TFDP1: variants seen among roughly 807,000 people sequenced by gnomAD.
TFDP1 encodes the protein DRTF1-polypeptide 1.
Under a neutral mutation model 48.0 loss-of-function variants are expected in TFDP1, and 6 were observed. The observed-to-expected ratio is 0.13, with a 90% CI of 0.07 to 0.25. The LOEUF (loss-of-function observed/expected upper bound fraction) is 0.25. TFDP1 is among the 10% of genes least tolerant of loss of function. The pLI, the probability that TFDP1 is intolerant of heterozygous loss-of-function variation, is 1.00. For synonymous variants in TFDP1, 201 were observed against 211.6 expected (o/e 0.95, Z 0.44); for missense variants, 335 against 543.0 (o/e 0.62, Z 3.81).
At chr13:113,591,631 T>C (rs1001287041) in intron 2 of TFDP1, among the ~76,000 whole-genome samples, 2 of 152,232 alleles carry the variant, frequency 1.3e-5, no homozygotes, top group African/African-American at 4.8e-5. Context: ...TAAAAAATAC[T>C]TTGTTGTAGA....
intron 2 of TFDP1, among the ~76,000 whole-genome samples, chr13:113,605,102 G>A (rs1045187515): frequency 2.6e-5 from 4 of 152,004 alleles, no homozygotes; most frequent in South Asian, 2.1e-4. Context: ...TTTTAGGGAC[G>A]ATGCTGCACT....
At chr13:113,625,631 G>A (rs1231020556) in intron 4 of TFDP1, among the ~76,000 whole-genome samples, 2 of 94,116 alleles carry the variant, frequency 2.1e-5, no homozygotes, top group Non-Finnish European at 4.1e-5. Context: ...GTGTCCTCAG[G>A]CGTCTCTCAC....
chr13:113,623,106 C>A lies in TFDP1; in HGVS notation c.80-74C>A. ...ATCTCTAATTGCAAGCACCGTCTTG[C>A]ATTTAGAATGGTCGCTTGTAGCCTT... is the stretch of plus-strand genomic sequence containing the variant. On this transcript the variant is annotated intron_variant, in intron 3 of 11. Coordinates refer to ENST00000375370, the MANE Select transcript of TFDP1 (RefSeq NM_007111.5). The surrounding 1 kb of genome is among the most constrained non-coding windows in gnomAD (Gnocchi z 5.2). The A allele has an allele frequency of 7.4e-7, 1 of 1,342,844 alleles. No individual in the cohort carries two copies. The highest frequency in any genetic ancestry group is 2.0e-5 in the Admixed American group (1 of 50,524). The allele number at this position is 1,342,844 out of a possible 1,614,324, so 83.2% of individuals were successfully genotyped here.
intron 4 of TFDP1, among the ~76,000 whole-genome samples, chr13:113,625,398 C>T (rs2049123454): frequency 1.6e-5 from 2 of 128,498 alleles, no homozygotes; most frequent in South Asian, 2.8e-4. Flanking sequence ...AGGCGTCTCA[C>T]GTGTCCTCAG....
At chr13:113,632,177 C>T (rs2049355018) in intron 5 of TFDP1, among the ~76,000 whole-genome samples, 2 of 152,236 alleles carry the variant, frequency 1.3e-5, no homozygotes, top group Admixed American at 6.5e-5. Context: ...GCCAGAGCTG[C>T]TCCTTCCACT....
intron 4 of TFDP1, among the ~76,000 whole-genome samples, chr13:113,630,962 C>A (rs1401580554): frequency 6.6e-6 from 1 of 152,186 alleles, no homozygotes; most frequent in African/African-American, 2.4e-5. Context: ...GAGCCCCTAC[C>A]TTCCGCCCCC....
chr13:113,628,087 G>A (rs1244977583), intron 4 of TFDP1, among the ~76,000 whole-genome samples: 5 of 152,196 alleles, frequency 3.3e-5, no homozygotes, highest in Admixed American at 6.5e-5. Context: ...GTCTGAAGCC[G>A]TGTAAAGACT....
intron 2 of TFDP1, among the ~76,000 whole-genome samples, chr13:113,588,464 G>A (rs1445771007): frequency 3.3e-5 from 5 of 152,246 alleles, no homozygotes; most frequent in Non-Finnish European, 5.9e-5. Flanking sequence ...AGACAAGCGG[G>A]TGGGAAAAGG....
At position 113,637,846 on chromosome 13, in the gene TFDP1, G is replaced by A. The variant is rs200035867; in HGVS notation, c.1035G>A (p.Val345=). The change falls in exon 11 of 12, where the codon GTG becomes GTA. Residue 345 remains valine (V), a synonymous_variant. Transcript: ENST00000375370. ...TGGCTCAGGGAACTGTTGGAGGCGT[G>A]TTCATCACGACGGCAGGTTCCACGT... is the stretch of plus-strand genomic sequence containing the variant. ...TEMAQGTVGG[V]FITTAGSTSN... 2 of 1,614,214 alleles carry A rather than the reference G, an allele frequency of 1.2e-6. No homozygotes were observed. Among genetic ancestry groups the A allele is most frequent in the African/African-American group, 1.3e-5 (1 of 75,052 alleles).
intron 3 of TFDP1, among the ~76,000 whole-genome samples, chr13:113,615,397 G>A (rs2048832201): frequency 6.6e-6 from 1 of 152,182 alleles, no homozygotes; most frequent in African/African-American, 2.4e-5. Flanking sequence ...GGTCCACCCT[G>A]CCCCTGTCTG....
In TFDP1 at chr13:113,623,023, A is replaced by G. The variant is rs1052771564; in HGVS notation, c.80-157A>G. ...GGGTTTACATTGGGAATCAAGCTTC[A>G]TGGAGGTGTTGCTCTTGAGCCCTGG... is the stretch of plus-strand genomic sequence containing the variant. On this transcript the variant is annotated intron_variant, in intron 3 of 11. Transcript: ENST00000375370. The surrounding 1 kb of genome is among the most constrained non-coding windows in gnomAD (Gnocchi z 5.2). 2.6e-5 allele frequency among the ~76,000 whole-genome samples: 4 copies of G among 152,264 alleles called. No individual in the cohort carries two copies. Among genetic ancestry groups the G allele is most frequent in the African/African-American group, 7.2e-5 (3 of 41,470 alleles).
intron 9 of TFDP1, 51 bp downstream of exon 9, chr13:113,636,179 G>T (rs751711188): frequency 6.3e-7 from 1 of 1,596,512 alleles, no homozygotes; most frequent in Non-Finnish European, 8.6e-7. Context: ...CTTTTTTAGG[G>T]AGCCGACCCT....
chr13:113,610,129 G>A (rs2048670963), intron 2 of TFDP1, among the ~76,000 whole-genome samples: 1 of 152,164 alleles, frequency 6.6e-6, no homozygotes, highest in South Asian at 2.1e-4. Context: ...TTGCCGTGTG[G>A]CTGTACTGTC....
At chr13:113,604,320 A>G (rs184666361) in intron 2 of TFDP1, among the ~76,000 whole-genome samples, 321 of 152,326 alleles carry the variant, frequency 2.1e-3, no homozygotes, top group Non-Finnish European at 3.7e-3. Flanking sequence ...GTGGTCTAGT[A>G]GTAGCTACTG....
Position 113,585,738 on chromosome 13 carries a change from C to G in TFDP1, c.-64-36C>G, listed in dbSNP as rs548087714. 4.8e-6 allele frequency: 6 copies of G among 1,254,074 alleles called. No homozygotes were observed. In the East Asian group the frequency reaches 1.4e-4, roughly 30 times the overall value. The allele number at this position is 1,254,074 out of a possible 1,614,324, so 77.7% of individuals were successfully genotyped here. A position where few individuals can be genotyped will look rare whatever the true frequency, so the allele number is the denominator to read the frequency against. ...CTTCGTTTTTCATTCTTACTTATTTCTTGTTTTTCCTTACTTTTTTTTTTT... is the reference window on the plus strand; with the variant it reads ...CTTCGTTTTTCATTCTTACTTATTTGTTGTTTTTCCTTACTTTTTTTTTTT... On this transcript the variant is annotated intron_variant, in intron 1 of 11. Coordinates refer to ENST00000375370, the MANE Select transcript of TFDP1 (RefSeq NM_007111.5).
chr13:113,628,117 CTG>C (rs545944742), intron 4 of TFDP1, among the ~76,000 whole-genome samples: 229 of 152,116 alleles, frequency 1.5e-3, no homozygotes, highest in African/African-American at 5.2e-3. Context: ...CGTGTAAAGA[CTG>C]TGTCTGAAGC....
intron 11 of TFDP1, among the ~76,000 whole-genome samples, chr13:113,639,236 G>T (rs2049581160): frequency 6.6e-6 from 1 of 152,246 alleles, no homozygotes; most frequent in Admixed American, 6.5e-5. Flanking sequence ...CTTCCATGAG[G>T]TGGGATGTGG....
intron 4 of TFDP1, among the ~76,000 whole-genome samples, chr13:113,628,957 G>A (rs2049263058): frequency 1.3e-5 from 2 of 152,208 alleles, no homozygotes; most frequent in South Asian, 2.1e-4. Flanking sequence ...CGGCCGGCCC[G>A]AGTTCACCGG....
intron 3 of TFDP1, among the ~76,000 whole-genome samples, chr13:113,612,001 T>A (rs1349265720): frequency 6.6e-6 from 1 of 152,186 alleles, no homozygotes; most frequent in East Asian, 1.9e-4. Flanking sequence ...ACCTTAAGAT[T>A]TTTCTAATTA....
Sources: allele counts gnomAD v4.1 joint callset (sites outside exome capture counted in the v4.1 genomes callset), GRCh38; gene constraint gnomAD v4.1.1; non-coding constraint Gnocchi (gnomAD v3.1); transcripts MANE v1.5; gene names NCBI Gene and HGNC (gene_info 2026-07-23, HGNC 2026-07-21).